Variants in TBC1D9B observed in about 807,000 individuals in gnomAD.
TBC1D9B encodes TBC1 domain family, member 9B (with GRAM domain).
In TBC1D9B, 87 loss-of-function variants were observed where a neutral mutation model predicts 121.1. That is an observed-to-expected ratio of 0.72 (90% CI 0.60 to 0.86). The LOEUF is 0.86. Ranked by LOEUF, TBC1D9B falls within the 40% of genes least tolerant of loss-of-function variation. The pLI, the probability that TBC1D9B is intolerant of heterozygous loss-of-function variation, is 0.00. For missense variants in TBC1D9B, 1,540 were observed against 1,628.6 expected (o/e 0.95, Z 0.94); for synonymous variants, 668 against 670.1 (o/e 1.00, Z 0.05).
intron 8 of TBC1D9B, 61 bp downstream of exon 8, chr5:179,879,567 A>G: frequency 6.2e-7 from 1 of 1,611,670 alleles, no homozygotes; most frequent in Non-Finnish European, 8.5e-7. Flanking sequence ...GACTGGCTCC[A>G]GCTTTCCTCC....
intron 7 of TBC1D9B, among the ~76,000 whole-genome samples, chr5:179,883,479 T>G (rs1194599783): frequency 6.6e-6 from 1 of 152,208 alleles, no homozygotes; most frequent in East Asian, 1.9e-4. Context: ...CTTCCTTATT[T>G]ACCTTAATGT....
At position 179,874,758 on chromosome 5, in the gene TBC1D9B, C is replaced by G; in HGVS notation, c.2186+144G>C. The G allele has an allele frequency of 8.3e-7, 1 of 1,209,006 alleles. No individual in the cohort carries two copies. 74.9% of individuals were successfully genotyped at this position (1,209,006 alleles called of 1,614,324 possible). On this transcript the variant is annotated intron_variant, in intron 12 of 20. Coordinates refer to ENST00000355235, the MANE Select transcript of TBC1D9B (RefSeq NM_015043.4). The surrounding 1 kb of genome is among the most constrained non-coding windows in gnomAD (Gnocchi z 4.3). ...TTCATCTCCCACTAGAAAGGAGCCG[C>G]CTCCTGACCCCAGAGCACCCCCGGG...
intron 7 of TBC1D9B, among the ~76,000 whole-genome samples, chr5:179,886,452 C>G (rs1177827998): frequency 1.3e-5 from 2 of 152,188 alleles, no homozygotes; most frequent in Non-Finnish European, 2.9e-5. Flanking sequence ...CTCGACCACC[C>G]TGTTCACTGC....
In TBC1D9B at chr5:179,904,658, A is replaced by G. The variant is rs1267753488; in HGVS notation, c.229+44T>C. On this transcript the variant is annotated intron_variant, in intron 2 of 20. Coordinates refer to ENST00000355235, the MANE Select transcript of TBC1D9B (RefSeq NM_015043.4). The surrounding 1 kb of genome is among the most constrained non-coding windows in gnomAD (Gnocchi z 4.2). Reference sequence around the variant, plus strand: ...CCTTCCTCTCGGCAACGGCCCTTCCAGGGCAGGCCCTGCCCAGCACCCCTC... The same window carrying G: ...CCTTCCTCTCGGCAACGGCCCTTCCGGGGCAGGCCCTGCCCAGCACCCCTC... The G allele has an allele frequency of 2.0e-6, 3 of 1,512,294 alleles. No individual in the cohort carries two copies. The African/African-American group carries it at 4.2e-5, about 21-fold the overall frequency. 93.7% of individuals were successfully genotyped at this position (1,512,294 alleles called of 1,614,324 possible). A position where few individuals can be genotyped will look rare whatever the true frequency, so the allele number is the denominator to read the frequency against.
At chr5:179,873,770 T>C (rs1257914894) in intron 12 of TBC1D9B, among the ~76,000 whole-genome samples, 1 of 152,162 alleles carries the variant, frequency 6.6e-6, no homozygotes, top group Non-Finnish European at 1.5e-5. Flanking sequence ...CCAGAGTTCA[T>C]GGCCTCTCTG....
At position 179,900,092 on chromosome 5, in the gene TBC1D9B, C is replaced by A. The variant is rs1308403004; in HGVS notation, c.230-785G>T. On this transcript the variant is annotated intron_variant, in intron 2 of 20. Coordinates refer to ENST00000355235, the MANE Select transcript of TBC1D9B (RefSeq NM_015043.4). ...AAAATTAGCTGGGCGTGGTGGCATG[C>A]ACCTGTGGTCCCAGCCACTCAGGAT... 8.5e-5 allele frequency among the ~76,000 whole-genome samples: 13 copies of A among 152,242 alleles called. No homozygotes were observed. The East Asian group carries it at 2.5e-3, about 29-fold the overall frequency.
At chr5:179,867,587 A>C (rs1307318083) in intron 18 of TBC1D9B, 191 bp downstream of exon 18, 1 of 1,512,932 alleles carries the variant, frequency 6.6e-7, no homozygotes, top group Admixed American at 2.0e-5. Context: ...AGGAGTGAGG[A>C]CATCCACAGG....
In TBC1D9B at chr5:179,869,880, G is replaced by A. The variant is rs773889876; in HGVS notation, c.2726-46C>T. ...GGCTGGGTCTGGCAACATGGCTGCA[G>A]AGCCCCTTCCAGGGGGTCCGAGTAG... On this transcript the variant is annotated intron_variant, in intron 16 of 20. Coordinates refer to ENST00000355235, the MANE Select transcript of TBC1D9B (RefSeq NM_015043.4). The A allele has an allele frequency of 3.9e-5, 59 of 1,511,492 alleles. No homozygotes were observed. In the Admixed American group the frequency reaches 6.2e-4, roughly 16 times the overall value. 93.6% of individuals were successfully genotyped at this position (1,511,492 alleles called of 1,614,324 possible).
In TBC1D9B at chr5:179,885,439, A is replaced by G. The variant is rs1252900703; in HGVS notation, c.1254+2664T>C. Among the ~76,000 whole-genome samples the G allele has an allele frequency of 2.0e-5, 3 of 151,990 alleles. No individual in the cohort carries two copies. Among genetic ancestry groups the G allele is most frequent in the African/African-American group, 7.3e-5 (3 of 41,360 alleles). The stretch of plus-strand genomic sequence containing the variant: ...AACCCGTCTCTACTAAAAATACAAA[A>G]TAAGCCGGGCGTGGTGGTGGACGCC... On this transcript the variant is annotated intron_variant, in intron 7 of 20. Coordinates refer to ENST00000355235, the MANE Select transcript of TBC1D9B (RefSeq NM_015043.4). The surrounding 1 kb of genome is among the most constrained non-coding windows in gnomAD (Gnocchi z 4.5).
At chr5:179,876,382 A>G (rs114967874) in intron 10 of TBC1D9B, among the ~76,000 whole-genome samples, 306 of 152,266 alleles carry the variant, frequency 2.0e-3, no homozygotes, top group African/African-American at 7.0e-3. Flanking sequence ...GAAGGTGAAC[A>G]TCAACACATC....
In TBC1D9B at chr5:179,904,150, G is replaced by A. The variant is rs183718636; in HGVS notation, c.229+552C>T. On this transcript the variant is annotated intron_variant, in intron 2 of 20. Coordinates refer to ENST00000355235, the MANE Select transcript of TBC1D9B (RefSeq NM_015043.4). The surrounding 1 kb of genome is among the most constrained non-coding windows in gnomAD (Gnocchi z 4.2). The stretch of plus-strand genomic sequence containing the variant: ...GGACATTGGCTAGCCCCACACCTGC[G>A]TCCCTAGAGGTACATGGGGATCCAT... Among the ~76,000 whole-genome samples the A allele has an allele frequency of 2.2e-4, 34 of 151,602 alleles. No homozygotes were observed. Among genetic ancestry groups the A allele is most frequent in the East Asian group, 1.6e-3 (8 of 5,144 alleles).
At chr5:179,900,882 G>GC (rs1761148040) in intron 2 of TBC1D9B, among the ~76,000 whole-genome samples, 1 of 152,158 alleles carries the variant, frequency 6.6e-6, no homozygotes, top group South Asian at 2.1e-4. Flanking sequence ...TGGCACGCCT[G>GC]CCCCGACCAC....
chr5:179,870,574 A>C (rs1348023447), intron 15 of TBC1D9B, 79 bp from the exon 16 acceptor site: 2 of 1,493,654 alleles, frequency 1.3e-6, no homozygotes, highest in Admixed American at 2.1e-5. Context: ...TGGTGTGTCC[A>C]CCCTCCCCCT....
chr5:179,896,489 TAATA>T (rs1761020512), intron 3 of TBC1D9B, among the ~76,000 whole-genome samples: 1 of 152,182 alleles, frequency 6.6e-6, no homozygotes, highest in African/African-American at 2.4e-5. Flanking sequence ...AACTGGAAAT[TAATA>T]AATGTTATTC....
At chr5:179,895,668 T>C (rs1354383473) in intron 3 of TBC1D9B, among the ~76,000 whole-genome samples, 1 of 152,158 alleles carries the variant, frequency 6.6e-6, no homozygotes, top group African/African-American at 2.4e-5. Context: ...AATGTACACA[T>C]TGATTTTCTA....
In TBC1D9B at chr5:179,872,804, G is replaced by A. The variant is rs542209699; in HGVS notation, c.2415+88C>T. The A allele has an allele frequency of 1.8e-4, 230 of 1,285,482 alleles. 1 individual carries two copies. In the South Asian group the frequency reaches 2.4e-3, roughly 14 times the overall value. 79.6% of individuals were successfully genotyped at this position (1,285,482 alleles called of 1,614,324 possible). On this transcript the variant is annotated intron_variant, in intron 14 of 20. Coordinates refer to ENST00000355235, the MANE Select transcript of TBC1D9B (RefSeq NM_015043.4). ...CAAAGCAGTGTAGGAGACTGGGTGC[G>A]GTGGAGCCCTGTACCCACCCTGCTC...
At position 179,875,307 on chromosome 5, in the gene TBC1D9B, G is replaced by A. The variant is rs533314319; in HGVS notation, c.1901-120C>T. 3.2e-6 allele frequency: 4 copies of A among 1,254,746 alleles called. No individual in the cohort carries two copies. The highest frequency in any genetic ancestry group is 5.4e-5 in the Admixed American group (2 of 37,114). 77.7% of individuals were successfully genotyped at this position (1,254,746 alleles called of 1,614,324 possible). On this transcript the variant is annotated intron_variant, in intron 11 of 20. Coordinates refer to ENST00000355235, the MANE Select transcript of TBC1D9B (RefSeq NM_015043.4). This position sits in a 1 kb window ranked among gnomAD's most constrained non-coding sequence, Gnocchi z 4.5. ...GCCAGCTGTGCAGTGAGGGCTGAGG[G>A]AGACTTGGAGTGCTGGGAGAAAACA...
At chr5:179,866,345 T>C (rs1277207093) in intron 18 of TBC1D9B, 1 of 159,452 alleles carries the variant, frequency 6.3e-6, no homozygotes, top group Admixed American at 6.4e-5. Context: ...ACAGCTCCTG[T>C]GCTTGGTGCA....
rs1430083016 is a variant in TBC1D9B at position 179,885,053 on chromosome 5, G to A, written c.1254+3050C>T. On this transcript the variant is annotated intron_variant, in intron 7 of 20. Coordinates refer to ENST00000355235, the MANE Select transcript of TBC1D9B (RefSeq NM_015043.4). This position sits in a 1 kb window ranked among gnomAD's most constrained non-coding sequence, Gnocchi z 4.5. ...TACACTGTTCCTACCCTTGATGCTC[G>A]ACTCCATCATCTTGTGCCCCTGCTT... is the stretch of plus-strand genomic sequence containing the variant. Among the ~76,000 whole-genome samples, 2 of 152,016 alleles carry A rather than the reference G, an allele frequency of 1.3e-5. No homozygotes were observed. The highest frequency in any genetic ancestry group is 2.9e-5 in the Non-Finnish European group (2 of 68,008).
Sources: gnomAD v4.1 joint callset for allele counts (sites outside exome capture counted in the v4.1 genomes callset) on GRCh38, gnomAD v4.1.1 for gene constraint, Gnocchi (gnomAD v3.1) non-coding constraint, MANE v1.5 for transcripts, NCBI Gene and HGNC (gene_info 2026-07-23, HGNC 2026-07-21) for gene names.